Variants in NTNG1 observed in about 807,000 individuals in gnomAD.
The protein encoded by NTNG1 is netrin-G1.
In NTNG1, 16 loss-of-function variants were observed where a neutral mutation model predicts 54.0. The observed-to-expected ratio is 0.30, with a 90% CI of 0.20 to 0.45. The LOEUF is 0.45. Ranked by LOEUF, NTNG1 falls within the 20% of genes least tolerant of loss-of-function variation. The pLI, the probability that NTNG1 is intolerant of heterozygous loss-of-function variation, is 1.00. For missense variants in NTNG1, 530 were observed against 678.7 expected (o/e 0.78, Z 2.43); for synonymous variants, 255 against 263.1 (o/e 0.97, Z 0.30).
At chr1:107,208,520 A>G (rs921351478) in intron 2 of NTNG1, among the ~76,000 whole-genome samples, 1 of 152,088 alleles carries the variant, frequency 6.6e-6, no homozygotes, top group African/African-American at 2.4e-5. Flanking sequence ...TTCTTTATCA[A>G]ATATGTCCCC....
At chr1:107,179,072 C>G (rs1456320775) in intron 2 of NTNG1, among the ~76,000 whole-genome samples, 1 of 152,180 alleles carries the variant, frequency 6.6e-6, no homozygotes, top group Admixed American at 6.5e-5. Context: ...CTGCCCTCCC[C>G]ACAAAGAGAA....
intron 7 of NTNG1, among the ~76,000 whole-genome samples, chr1:107,465,726 G>A (rs1487589561): frequency 2.0e-5 from 3 of 152,176 alleles, no homozygotes; most frequent in African/African-American, 7.2e-5. Context: ...GGAGAACATG[G>A]ACAGTGCTTT....
chr1:107,147,168 A>G (rs1295220718), intron 1 of NTNG1, among the ~76,000 whole-genome samples: 4 of 152,144 alleles, frequency 2.6e-5, no homozygotes, highest in African/African-American at 9.6e-5. Flanking sequence ...ATGCATTATC[A>G]GTTAATCAAA....
intron 3 of NTNG1, among the ~76,000 whole-genome samples, chr1:107,331,443 A>C (rs1315189733): frequency 6.6e-6 from 1 of 152,090 alleles, no homozygotes; most frequent in Non-Finnish European, 1.5e-5. Context: ...CAAATGTGTG[A>C]TTGGGCTCAT....
At chr1:107,170,917 C>G (rs938548602) in intron 2 of NTNG1, among the ~76,000 whole-genome samples, 4 of 152,016 alleles carry the variant, frequency 2.6e-5, no homozygotes, top group Admixed American at 2.6e-4. Flanking sequence ...AGAATGCATT[C>G]TTCATATCTT....
At chr1:107,363,447 A>G (rs551880385) in intron 3 of NTNG1, among the ~76,000 whole-genome samples, 3 of 152,220 alleles carry the variant, frequency 2.0e-5, no homozygotes, top group African/African-American at 7.2e-5. Context: ...TTAATCTGCA[A>G]TATAACTGCG....
chr1:107,222,933 G>A (rs1660443950), intron 2 of NTNG1, among the ~76,000 whole-genome samples: 1 of 151,878 alleles, frequency 6.6e-6, no homozygotes, highest in South Asian at 2.1e-4. Context: ...TGGAGCTGGG[G>A]AAAGAAATTA....
chr1:107,368,709 A>C (rs1017339506), intron 3 of NTNG1, among the ~76,000 whole-genome samples: 2 of 152,222 alleles, frequency 1.3e-5, no homozygotes, highest in African/African-American at 4.8e-5. Context: ...ACAGATAAAG[A>C]AACTGAGTCT....
chr1:107,295,160 G>A (rs1223262683), intron 2 of NTNG1, among the ~76,000 whole-genome samples: 1 of 152,174 alleles, frequency 6.6e-6, no homozygotes, highest in East Asian at 1.9e-4. Context: ...TTGTGCTCTT[G>A]CCTTTTTAAA....
At chr1:107,351,427 G>A (rs1348937002) in intron 3 of NTNG1, among the ~76,000 whole-genome samples, 1 of 152,178 alleles carries the variant, frequency 6.6e-6, no homozygotes, top group Non-Finnish European at 1.5e-5. Context: ...TACTCATGGT[G>A]GAAGGTAAAG....
At chr1:107,398,970 A>G (rs1672854777) in intron 4 of NTNG1, among the ~76,000 whole-genome samples, 1 of 152,162 alleles carries the variant, frequency 6.6e-6, no homozygotes, top group African/African-American at 2.4e-5. Flanking sequence ...TTTTCTATAT[A>G]TAGATGCTAA....
intron 2 of NTNG1, among the ~76,000 whole-genome samples, chr1:107,231,062 A>G (rs557895934): frequency 6.6e-6 from 1 of 152,210 alleles, no homozygotes. Context: ...AACCAAATGT[A>G]TGATGAAGTA....
At chr1:107,437,110 G>A (rs1004043464) in intron 7 of NTNG1, among the ~76,000 whole-genome samples, 8 of 152,156 alleles carry the variant, frequency 5.3e-5, no homozygotes, top group Non-Finnish European at 7.4e-5. Flanking sequence ...AATCTTCACC[G>A]CAGAATGAAG....
chr1:107,214,482 G>A (rs1420915402), intron 2 of NTNG1, among the ~76,000 whole-genome samples: 5 of 152,104 alleles, frequency 3.3e-5, no homozygotes, highest in Non-Finnish European at 5.9e-5. Context: ...GTATTCCATG[G>A]TATGTATATA....
At chr1:107,290,963 T>TTATATATATATATATATATATATATTATA (rs71976757) in intron 2 of NTNG1, among the ~76,000 whole-genome samples, 2 of 142,530 alleles carry the variant, frequency 1.4e-5, no homozygotes, top group East Asian at 2.1e-4. Flanking sequence ...TATATATATA[T>TTATATATATATATATATATATATATTATA]TATATATATA....
At chr1:107,386,448 A>G (rs1672006694) in intron 3 of NTNG1, among the ~76,000 whole-genome samples, 1 of 152,164 alleles carries the variant, frequency 6.6e-6, no homozygotes, top group South Asian at 2.1e-4. Context: ...TGCTGGGATT[A>G]CAGGCGTGTG....
At chr1:107,382,764 CCTCTCTCT>C (rs138605469) in intron 3 of NTNG1, among the ~76,000 whole-genome samples, 1 of 149,202 alleles carries the variant, frequency 6.7e-6, no homozygotes, top group Admixed American at 6.7e-5. Flanking sequence ...TTTCCCTTTT[CCTCTCTCT>C]CTCTCTCTCT....
intron 2 of NTNG1, among the ~76,000 whole-genome samples, chr1:107,291,085 T>A (rs1187246575): frequency 7.3e-5 from 11 of 151,114 alleles, no homozygotes; most frequent in Non-Finnish European, 1.2e-4. Context: ...TATACACAGA[T>A]TTTTTTCTAC....
Position 107,309,381 on chromosome 1 carries a change from C to T in NTNG1, c.247-14901C>T, listed in dbSNP as rs183475397. Among the ~76,000 whole-genome samples the T allele has an allele frequency of 1.3e-3, 196 of 152,262 alleles. 1 individual carries two copies. The highest frequency in any genetic ancestry group is 4.6e-3 in the African/African-American group (191 of 41,558). On this transcript the variant is annotated intron_variant, in intron 2 of 7. Coordinates refer to ENST00000370068, the MANE Select transcript of NTNG1 (RefSeq NM_001113226.3). ...TTTGCTAGATATTCCAAAAGTGACT[C>T]ATGCAGCAGATACAGCATTTAATTA...
Sources: gnomAD v4.1 joint callset for allele counts (sites outside exome capture counted in the v4.1 genomes callset) on GRCh38, gnomAD v4.1.1 for gene constraint, MANE v1.5 for transcripts, NCBI Gene and HGNC (gene_info 2026-07-23, HGNC 2026-07-21) for gene names.